The following GLI2 variants were observed in gnomAD, a reference collection of about 807,000 sequenced individuals.
GLI2 encodes the protein transcription activator GLI2.
In GLI2, 22 loss-of-function variants were observed where a neutral mutation model predicts 78.9. The ratio of observed to expected loss-of-function variants is 0.28; its 90% CI spans 0.20 to 0.40. The LOEUF (loss-of-function observed/expected upper bound fraction) is 0.40. Ranked by LOEUF, GLI2 falls within the 10% of genes least tolerant of loss-of-function variation. The pLI, the probability that GLI2 is intolerant of heterozygous loss-of-function variation, is 1.00. For missense variants in GLI2, 2,097 were observed against 2,213.2 expected (o/e 0.95, Z 1.05); for synonymous variants, 974 against 963.7 (o/e 1.01, Z -0.20).
intron 1 of GLI2, among the ~76,000 whole-genome samples, chr2:120,764,054 A>C (rs1420653514): frequency 1.3e-5 from 2 of 152,202 alleles, no homozygotes; most frequent in Non-Finnish European, 2.9e-5. Flanking sequence ...TGGGCCCTCC[A>C]TGTCCCCCAG....
intron 2 of GLI2, among the ~76,000 whole-genome samples, chr2:120,921,131 C>T (rs573408645): frequency 6.6e-6 from 1 of 152,140 alleles, no homozygotes; most frequent in African/African-American, 2.4e-5. Flanking sequence ...ATGTTTCCAT[C>T]GGGGGCTGTG....
At chr2:120,900,842 G>C (rs1399108340) in intron 2 of GLI2, among the ~76,000 whole-genome samples, 1 of 152,206 alleles carries the variant, frequency 6.6e-6, no homozygotes, top group East Asian at 1.9e-4. Flanking sequence ...TTCAGGTTCA[G>C]AGTTGTGGGT....
In GLI2 at chr2:120,911,664, G is replaced by A. The variant is rs573818752; in HGVS notation, c.149-15697G>A. On this transcript the variant is annotated intron_variant, in intron 2 of 13. Coordinates refer to ENST00000361492, the MANE Select transcript of GLI2 (RefSeq NM_001374353.1). ...ACTCCTCACCTCCTCCATGCCACTC[G>A]CTGGGCTGGTCGTTGACTCAGAGGA... Among the ~76,000 whole-genome samples, 9 of 152,224 alleles carry A rather than the reference G, an allele frequency of 5.9e-5. No individual in the cohort carries two copies. In the South Asian group the frequency reaches 1.5e-3, roughly 25 times the overall value.
chr2:120,837,662 A>G (rs1686682089), intron 2 of GLI2, among the ~76,000 whole-genome samples: 4 of 152,322 alleles, frequency 2.6e-5, no homozygotes, highest in East Asian at 1.9e-4. Context: ...AATTTAGCTG[A>G]GACTGTTTTG....
intron 2 of GLI2, among the ~76,000 whole-genome samples, chr2:120,833,199 TG>T (rs922327236): frequency 3.9e-5 from 6 of 151,996 alleles, no homozygotes; most frequent in African/African-American, 1.4e-4. Context: ...CCTCGGCTTG[TG>T]CCTAAGGCCT....
chr2:120,813,594 G>T (rs1369187871), intron 2 of GLI2, among the ~76,000 whole-genome samples: 1 of 152,236 alleles, frequency 6.6e-6, no homozygotes, highest in Non-Finnish European at 1.5e-5. Flanking sequence ...TGTCTGCCAG[G>T]CCATTCTCCT....
intron 2 of GLI2, among the ~76,000 whole-genome samples, chr2:120,876,435 G>T (rs277550): frequency 1.3e-5 from 2 of 151,940 alleles, no homozygotes; most frequent in African/African-American, 4.8e-5. Context: ...GGGTCTCTCC[G>T]CTCAGCTGCT....
chr2:120,869,421 A>G (rs149897746), intron 2 of GLI2, among the ~76,000 whole-genome samples: 2 of 152,308 alleles, frequency 1.3e-5, no homozygotes, highest in East Asian at 1.9e-4. Flanking sequence ...CCCCATCACA[A>G]ACTTTTGAAG....
chr2:120,977,162 C>T (rs763030389), intron 9 of GLI2, among the ~76,000 whole-genome samples: 1 of 152,186 alleles, frequency 6.6e-6, no homozygotes, highest in African/African-American at 2.4e-5. Context: ...GTGCCTGATG[C>T]TTGGCTCTTG....
At chr2:120,985,857 A>G (rs1573732461) in intron 12 of GLI2, among the ~76,000 whole-genome samples, 1 of 151,968 alleles carries the variant, frequency 6.6e-6, no homozygotes, top group African/African-American at 2.4e-5. Context: ...CTTTCCCACA[A>G]CCTGCCCCTG....
At chr2:120,831,027 T>C (rs1686337555) in intron 2 of GLI2, among the ~76,000 whole-genome samples, 1 of 151,848 alleles carries the variant, frequency 6.6e-6, no homozygotes, top group Admixed American at 6.6e-5. Flanking sequence ...TTTCCTGTCA[T>C]TCTTTTTCCC....
chr2:120,859,437 T>A (rs993666083), intron 2 of GLI2, among the ~76,000 whole-genome samples: 1 of 146,540 alleles, frequency 6.8e-6, no homozygotes, highest in African/African-American at 2.5e-5. Flanking sequence ...ACAACAGCCC[T>A]ACAGATACTC....
rs1165688491 is a variant in GLI2, at chr2:120,939,352, T to C, written c.254+11886T>C. 2.0e-5 allele frequency among the ~76,000 whole-genome samples: 3 copies of C among 152,070 alleles called. No homozygotes were observed. The East Asian group carries it at 5.8e-4, about 29-fold the overall frequency. The stretch of plus-strand genomic sequence containing the variant: ...TTATGACATATACACCCTTATCCCC[T>C]GCTCACTCTAAGGACTGAGGACATG... On this transcript the variant is annotated intron_variant, in intron 3 of 13. Transcript: ENST00000361492.
chr2:120,947,458 G>C (rs895779066), intron 3 of GLI2, among the ~76,000 whole-genome samples: 1 of 152,216 alleles, frequency 6.6e-6, no homozygotes, highest in African/African-American at 2.4e-5. Flanking sequence ...GTAAGAGCAC[G>C]GCTGTGATCT....
intron 2 of GLI2, among the ~76,000 whole-genome samples, chr2:120,913,775 G>A (rs981632580): frequency 1.2e-4 from 19 of 152,318 alleles, no homozygotes; most frequent in Middle Eastern, 3.4e-3. Context: ...TCCGCTGCCC[G>A]GTTTTAAAGG....
intron 2 of GLI2, among the ~76,000 whole-genome samples, chr2:120,901,166 C>T (rs775044911): frequency 6.6e-6 from 1 of 152,180 alleles, no homozygotes; most frequent in Non-Finnish European, 1.5e-5. Context: ...CCCTGCCATC[C>T]GTGTTTTACT....
intron 5 of GLI2, among the ~76,000 whole-genome samples, chr2:120,960,546 T>G (rs1681503344): frequency 6.6e-6 from 1 of 152,226 alleles, no homozygotes; most frequent in Non-Finnish European, 1.5e-5. Flanking sequence ...CCTTTTGGGG[T>G]TAAATAAATG....
Position 120,988,630 on chromosome 2 carries a change from C to T in GLI2, c.2665C>T (p.Pro889Ser), listed in dbSNP as rs1683104665. The T allele has an allele frequency of 5.5e-6, 8 of 1,452,326 alleles. No homozygotes were observed. Among genetic ancestry groups the T allele is most frequent in the Non-Finnish European group, 7.2e-6 (8 of 1,107,928 alleles). 90.0% of individuals were successfully genotyped at this position (1,452,326 alleles called of 1,614,324 possible). A position where few individuals can be genotyped will look rare whatever the true frequency, so the allele number is the denominator to read the frequency against. ...ATGGPPPTPL[P>S]GLERMSLRTR... is the part of the protein sequence containing the mutation. ...TGGCGGCCCCCCGCCCACTCCGCTG[C>T]CGGGCCTGGAGCGCATGAGCCTGCG... The change falls in exon 14 of 14, where the codon CCG becomes TCG. Residue 889 changes from proline to serine, a missense_variant. Pro to Ser is a moderately conservative substitution (Grantham distance 74). Transcript: ENST00000361492.
In GLI2 at chr2:120,852,397, C is replaced by T. The variant is rs113801428; in HGVS notation, c.148+54929C>T. Among the ~76,000 whole-genome samples the T allele has an allele frequency of 3.8e-3, 585 of 152,312 alleles. 9 individuals carry two copies. The highest frequency in any genetic ancestry group is 0.013 in the African/African-American group (553 of 41,568). On this transcript the variant is annotated intron_variant, in intron 2 of 13. Transcript: ENST00000361492. ...CTGCAGGCCAAAGGAGGTGCTGAAA[C>T]ACATAGCACTCCTGCCTACCCCCAC...
Sources: allele counts gnomAD v4.1 joint callset (sites outside exome capture counted in the v4.1 genomes callset), GRCh38; gene constraint gnomAD v4.1.1; transcripts MANE v1.5; gene names NCBI Gene and HGNC (gene_info 2026-07-23, HGNC 2026-07-21).